UVSSA: variants seen among roughly 807,000 people sequenced by gnomAD.
The protein encoded by UVSSA is UV-stimulated scaffold protein A.
A neutral mutation model predicts 73.9 loss-of-function variants in UVSSA; 72 were observed. The ratio of observed to expected loss-of-function variants is 0.97; its 90% CI spans 0.81 to 1.19. The LOEUF is 1.19. Among genes scored for constraint, UVSSA ranks in the 50% most tolerant of loss-of-function variants. The pLI is 0.00. For synonymous variants in UVSSA, 454 were observed against 391.3 expected, an observed-to-expected ratio of 1.16 and a Z score of -1.89; for missense variants, 1,150 against 965.0, an observed-to-expected ratio of 1.19 and a Z score of -2.54.
chr4:1,376,319 CAG>C lies in UVSSA; in HGVS notation c.1568+152_1568+153del, dbSNP rs1718765059. On this transcript the variant is annotated intron_variant, in intron 10 of 13. Transcript: ENST00000389851. ...CACCTTCCGGGCACCTGGAGGGGCACAGGGGTGGGCCTCCCCTGCTGATCCGG... is the reference window on the plus strand; with the variant it reads ...CACCTTCCGGGCACCTGGAGGGGCACGGGTGGGCCTCCCCTGCTGATCCGG... The C allele has an allele frequency of 4.9e-6, 6 of 1,223,618 alleles. No individual in the cohort carries two copies. In the Admixed American group the frequency reaches 1.3e-4, roughly 26 times the overall value. The allele number at this position is 1,223,618 out of a possible 1,614,324, so 75.8% of individuals were successfully genotyped here.
At position 1,375,469 on chromosome 4, in the gene UVSSA, G is replaced by A. The variant is rs200830830; in HGVS notation, c.1394G>A (p.Arg465Gln). The A allele has an allele frequency of 2.8e-4, 445 of 1,612,282 alleles. 2 individuals carry two copies. The African/African-American group carries it at 4.5e-3, about 16-fold the overall frequency. The change falls in exon 9 of 14, where the codon CGG becomes CAG. Residue 465 changes from arginine to glutamine, a missense_variant. Transcript: ENST00000389851. ...SDPTSAAAQL[R>Q]QLRDHLPPPS... ...CCCACCTCTGCGGCTGCTCAGCTGC[G>A]GCAGCTCCGGGACCACTTGCCTCCA...
Position 1,394,950 on chromosome 4 carries a change from G to A in UVSSA, c.*8989G>A, listed in dbSNP as rs146777511. ...TCACACGTGCCCATGCGGAGTGCCC[G>A]CCTGCTCACACGTGCCCATGCGGAG... On this transcript the variant is annotated 3_prime_UTR_variant, in exon 14 of 14. Coordinates refer to the UVSSA transcript ENST00000511216. 4.8e-5 allele frequency: 74 copies of A among 1,538,528 alleles called. 3 individuals carry two copies. The Admixed American group carries it at 6.4e-4, about 13-fold the overall frequency.
exon 14 of UVSSA, chr4:1,395,206 A>T (rs1313588179): frequency 6.9e-7 from 1 of 1,452,356 alleles, no homozygotes; most frequent in Non-Finnish European, 9.2e-7. Context: ...CCGCCTGCTC[A>T]CACGTGCCGA....
Position 1,394,052 on chromosome 4 carries a change from C to G in UVSSA, c.*8091C>G, listed in dbSNP as rs529441865. 59 of 272,276 alleles carry G rather than the reference C, an allele frequency of 2.2e-4. 1 individual carries two copies. The highest frequency in any genetic ancestry group is 1.2e-3 in the African/African-American group (54 of 44,844). 16.9% of individuals were successfully genotyped at this position (272,276 alleles called of 1,614,324 possible). ...TGCTGACACGCAGTTGATATGTGGT[C>G]AGTGCTCCAGCAGGCAGCTGCCAAC... On this transcript the variant is annotated 3_prime_UTR_variant, in exon 14 of 14. Transcript: ENST00000511216.
upstream of UVSSA, among the ~76,000 whole-genome samples, chr4:1,344,144 A>C (rs1249630485): frequency 1.3e-5 from 2 of 151,884 alleles, no homozygotes; most frequent in Admixed American, 6.6e-5. Context: ...AAGATTTGTC[A>C]CTAGTTTTCT....
chr4:1,395,978 A>G (rs1474750361), exon 14 of UVSSA: 1 of 1,457,454 alleles, frequency 6.9e-7, no homozygotes, highest in Admixed American at 2.3e-5. Context: ...TGATTAAAAG[A>G]CAAACCTGTG....
chr4:1,370,007 G>C (rs777920654), intron 8 of UVSSA, among the ~76,000 whole-genome samples: 12 of 151,944 alleles, frequency 7.9e-5, no homozygotes, highest in Non-Finnish European at 1.6e-4. Context: ...TTGGGGTTTT[G>C]CTTTGAAAGT....
chr4:1,376,254 C>G, intron 10 of UVSSA, 86 bp downstream of exon 10: 1 of 1,468,132 alleles, frequency 6.8e-7, no homozygotes, highest in South Asian at 1.4e-5. Flanking sequence ...CCAGGCCTCC[C>G]TGGGTCTGAG....
chr4:1,369,678 C>T (rs189316053), intron 8 of UVSSA, among the ~76,000 whole-genome samples: 16 of 152,222 alleles, frequency 1.1e-4, no homozygotes, highest in South Asian at 6.2e-4. Context: ...ATAATGTCAG[C>T]GCTGGGCAGG....
In UVSSA at chr4:1,386,032, C is replaced by A; in HGVS notation, c.*71C>A. 1 of 1,507,624 alleles carries A rather than the reference C, an allele frequency of 6.6e-7. No individual in the cohort carries two copies. The highest frequency in any genetic ancestry group is 9.2e-7 in the Non-Finnish European group (1 of 1,084,636). The allele number at this position is 1,507,624 out of a possible 1,614,324, so 93.4% of individuals were successfully genotyped here. ...CAGTGTCTCAGGACAGCAGAGTGGG[C>A]GTGGGTCTGGGCAGTAACCATGCTT... On this transcript the variant is annotated 3_prime_UTR_variant, in exon 14 of 14. Coordinates refer to ENST00000389851, the MANE Select transcript of UVSSA (RefSeq NM_020894.4).
Position 1,349,587 on chromosome 4 carries a change from C to T in UVSSA, c.162C>T (p.His54=), listed in dbSNP as rs749839048. ...TGATAGCACAGCTGACCCAGGAGCA[C>T]GCCGAGATCCGTCTCTCAGCCTTCC... ...RLLIAQLTQE[H]AEIRLSAFQI... The change falls in exon 3 of 14, where the codon CAC becomes CAT. Residue 54 remains histidine, a synonymous_variant. Coordinates refer to ENST00000389851, the MANE Select transcript of UVSSA (RefSeq NM_020894.4). 37 of 1,613,968 alleles carry T rather than the reference C, an allele frequency of 2.3e-5. No individual in the cohort carries two copies. The highest frequency in any genetic ancestry group is 2.1e-4 in the African/African-American group (16 of 74,928).
At chr4:1,377,561 T>G (rs1718927454) in intron 10 of UVSSA, among the ~76,000 whole-genome samples, 4 of 152,028 alleles carry the variant, frequency 2.6e-5, no homozygotes, top group Admixed American at 2.6e-4. Context: ...TTTCTGAGCC[T>G]GGGAGGTGAC....
intron 7 of UVSSA, 28 bp downstream of exon 7, chr4:1,355,273 G>T: frequency 1.3e-6 from 2 of 1,588,216 alleles, no homozygotes; most frequent in East Asian, 2.3e-5. Context: ...GAGCGGGAAG[G>T]GGTCCCAGAG....
At position 1,383,951 on chromosome 4, in the gene UVSSA, C is replaced by T; in HGVS notation, c.2036+11C>T. 6.2e-7 allele frequency: 1 copy of T among 1,605,900 alleles called. No individual in the cohort carries two copies. Among genetic ancestry groups the T allele is most frequent in the Non-Finnish European group, 8.5e-7 (1 of 1,176,682 alleles). On this transcript the variant is annotated intron_variant, in intron 13 of 13. Coordinates refer to ENST00000389851, the MANE Select transcript of UVSSA (RefSeq NM_020894.4). ...AAAAGTCTTCGCCAAGTAAGAGTGG[C>T]TGCTGGGTCACCTCCCACCGCGTGG...
intron 8 of UVSSA, among the ~76,000 whole-genome samples, chr4:1,374,372 A>T (rs1443963605): frequency 6.6e-6 from 1 of 152,204 alleles, no homozygotes; most frequent in Admixed American, 6.5e-5. Flanking sequence ...CCCCGCCCTG[A>T]CCGAGAGGCG....
rs557408419 is a variant in UVSSA, at chr4:1,387,722, C to T, written c.*1761C>T. Reference sequence around the variant, plus strand: ...TTATTTTTCCCCATTGAATTATCTTCGCACCATTATTGATAATCAGTTGAC... The same window carrying T: ...TTATTTTTCCCCATTGAATTATCTTTGCACCATTATTGATAATCAGTTGAC... On this transcript the variant is annotated 3_prime_UTR_variant, in exon 14 of 14. Transcript: ENST00000389851. 9 of 152,210 alleles carry T rather than the reference C, an allele frequency of 5.9e-5. No individual in the cohort carries two copies. Among genetic ancestry groups the T allele is most frequent in the South Asian group, 4.1e-4 (2 of 4,832 alleles). 9.4% of individuals were successfully genotyped at this position (152,210 alleles called of 1,614,324 possible). A position where few individuals can be genotyped will look rare whatever the true frequency, so the allele number is the denominator to read the frequency against.
intron 1 of UVSSA, 136 bp from the exon 2 acceptor site, chr4:1,347,954 C>T: frequency 1.4e-6 from 1 of 695,044 alleles, no homozygotes; most frequent in Non-Finnish European, 2.5e-6. Context: ...CCCAGAGAGG[C>T]ACCCACAGAT....
rs1024687895 is a variant in UVSSA at position 1,384,117 on chromosome 4, G to A, written c.2036+177G>A. The A allele has an allele frequency of 1.5e-5, 11 of 748,796 alleles. No homozygotes were observed. The African/African-American group carries it at 1.8e-4, about 12-fold the overall frequency. The allele number at this position is 748,796 out of a possible 1,614,324, so 46.4% of individuals were successfully genotyped here. A position where few individuals can be genotyped will look rare whatever the true frequency, so the allele number is the denominator to read the frequency against. On this transcript the variant is annotated intron_variant, in intron 13 of 13. Coordinates refer to ENST00000389851, the MANE Select transcript of UVSSA (RefSeq NM_020894.4). ...CCCCGGGGAGGGGCAGTGCCAGCCA[G>A]CAGGGGCAGCAGGCAGGTCTGCTCA... is the stretch of plus-strand genomic sequence containing the variant.
rs1422113725 is a variant in UVSSA, at chr4:1,349,652, G to A, written c.227G>A (p.Arg76Gln). 10 of 1,613,912 alleles carry A rather than the reference G, an allele frequency of 6.2e-6. No homozygotes were observed. Among genetic ancestry groups the A allele is most frequent in the Middle Eastern group, 1.6e-4 (1 of 6,084 alleles). Residue 76 changes from arginine (R) to glutamine (Q), a missense_variant, in exon 3 of 14, where the codon CGG becomes CAG. Transcript: ENST00000389851. ...EELFVRSHQF[R>Q]MLVVSNFQEF... is the part of the protein sequence containing the mutation. ...CTCTTCGTCAGGTCTCACCAGTTCC[G>A]GATGCTGGTTGTTTCCAACTTCCAG...
Sources: gnomAD v4.1 joint callset for allele counts (sites outside exome capture counted in the v4.1 genomes callset) on GRCh38, gnomAD v4.1.1 for gene constraint, MANE v1.5 for transcripts, NCBI Gene and HGNC (gene_info 2026-07-23, HGNC 2026-07-21) for gene names.